The following MYCBP2 variants were observed in gnomAD, a reference collection of about 807,000 sequenced individuals.
MYCBP2 encodes the protein E3 ubiquitin-protein ligase MYCBP2.
MYCBP2 carries 120 observed loss-of-function variants against 525.3 expected under a neutral mutation model. The observed-to-expected ratio is 0.23, with a 90% CI of 0.20 to 0.27. MYCBP2 has a LOEUF of 0.27. MYCBP2 is among the 10% of genes least tolerant of loss of function. The pLI is 1.00. For missense variants in MYCBP2, 4,149 were observed against 5,657.1 expected, an observed-to-expected ratio of 0.73 and a Z score of 8.55; for synonymous variants, 1,894 against 1,955.8, an observed-to-expected ratio of 0.97 and a Z score of 0.83.
intron 13 of MYCBP2, among the ~76,000 whole-genome samples, 175 bp from the exon 14 acceptor site, chr13:77,258,004 C>T (rs1029992158): frequency 1.3e-5 from 2 of 152,132 alleles, no homozygotes; most frequent in African/African-American, 4.8e-5. Context: ...AACTTTGTAA[C>T]GTAGCTTCAG....
intron 42 of MYCBP2, among the ~76,000 whole-genome samples, chr13:77,165,014 C>T (rs1282079497): frequency 6.6e-6 from 1 of 152,164 alleles, no homozygotes; most frequent in African/African-American, 2.4e-5. Context: ...TAGAATTGCA[C>T]ACCCCTAGGT....
At chr13:77,139,775 A>G (rs1466801441) in intron 51 of MYCBP2, among the ~76,000 whole-genome samples, 1 of 152,246 alleles carries the variant, frequency 6.6e-6, no homozygotes, top group Admixed American at 6.5e-5. Context: ...ATGAAGAACT[A>G]TACCCATTTT....
intron 46 of MYCBP2, among the ~76,000 whole-genome samples, chr13:77,154,721 C>A (rs2056999586): frequency 6.6e-6 from 1 of 151,996 alleles, no homozygotes; most frequent in South Asian, 2.1e-4. Context: ...ATATACAAGC[C>A]CTTCAACATC....
chr13:77,048,851 C>T (rs1480216313), intron 82 of MYCBP2, among the ~76,000 whole-genome samples: 1 of 151,420 alleles, frequency 6.6e-6, no homozygotes, highest in Admixed American at 6.6e-5. Flanking sequence ...CTACCCACCA[C>T]TGAGTTCTCT....
At chr13:77,295,368 G>GT (rs2154365620) in intron 2 of MYCBP2, among the ~76,000 whole-genome samples, 1 of 152,196 alleles carries the variant, frequency 6.6e-6, no homozygotes, top group Non-Finnish European at 1.5e-5. Flanking sequence ...TCTTGACCTC[G>GT]TGATCTGCCA....
intron 80 of MYCBP2, among the ~76,000 whole-genome samples, chr13:77,052,400 T>C (rs1257061578): frequency 6.6e-6 from 1 of 152,218 alleles, no homozygotes; most frequent in Non-Finnish European, 1.5e-5. Flanking sequence ...AGTCTCCCTA[T>C]GCTGCCCAGG....
intron 18 of MYCBP2, among the ~76,000 whole-genome samples, chr13:77,228,367 T>C (rs2066611439): frequency 6.6e-6 from 1 of 151,400 alleles, no homozygotes; most frequent in Non-Finnish European, 1.5e-5. Flanking sequence ...ACTAGCTGGG[T>C]GTGGTGGTGA....
At chr13:77,076,654 T>C (rs1235778266) in intron 68 of MYCBP2, 97 bp downstream of exon 68, 3 of 686,084 alleles carry the variant, frequency 4.4e-6, no homozygotes, top group African/African-American at 3.6e-5. Flanking sequence ...AAAACTGTTA[T>C]TACATATCCA....
At chr13:77,259,355 C>T (rs890166186) in intron 13 of MYCBP2, among the ~76,000 whole-genome samples, 1 of 152,162 alleles carries the variant, frequency 6.6e-6, no homozygotes, top group African/African-American at 2.4e-5. Context: ...TAATACCCAA[C>T]TGTCTCTCGG....
Position 77,326,791 on chromosome 13 carries a change from C to T in MYCBP2, c.-16G>A. On this transcript the variant is annotated 5_prime_UTR_variant, in exon 1 of 83. Coordinates refer to ENST00000544440, the MANE Select transcript of MYCBP2 (RefSeq NM_015057.5). The surrounding 1 kb of genome is among the most constrained non-coding windows in gnomAD (Gnocchi z 4.2). Reference sequence around the variant, plus strand: ...ACATCATCATCCTCGCCGCCGCCGCCGCCGCCGCCGCCTCGTCCCCGCGGG... The same window carrying T: ...ACATCATCATCCTCGCCGCCGCCGCTGCCGCCGCCGCCTCGTCCCCGCGGG... 7.1e-7 allele frequency: 1 copy of T among 1,400,828 alleles called. No homozygotes were observed. Among genetic ancestry groups the T allele is most frequent in the Non-Finnish European group, 9.2e-7 (1 of 1,090,406 alleles). 86.8% of individuals were successfully genotyped at this position (1,400,828 alleles called of 1,614,324 possible). A position where few individuals can be genotyped will look rare whatever the true frequency, so the allele number is the denominator to read the frequency against.
chr13:77,183,162 G>T (rs1249463890), intron 32 of MYCBP2, among the ~76,000 whole-genome samples: 1 of 152,102 alleles, frequency 6.6e-6, no homozygotes, highest in African/African-American at 2.4e-5. Flanking sequence ...ATTTTTAAGA[G>T]CATCTATGTT....
At chr13:77,301,336 A>C (rs546997887) in intron 1 of MYCBP2, among the ~76,000 whole-genome samples, 1 of 149,712 alleles carries the variant, frequency 6.7e-6, no homozygotes, top group Non-Finnish European at 1.5e-5. Context: ...GAATCGCTTG[A>C]ACCTGGAAGG....
At chr13:77,164,672 T>G in intron 42 of MYCBP2, 131 bp from the exon 43 acceptor site, 1 of 661,576 alleles carries the variant, frequency 1.5e-6, no homozygotes, top group Non-Finnish European at 2.7e-6. Context: ...ATGGTTAAAT[T>G]GAGAGTAGAT....
chr13:77,251,284 TCTC>T lies in MYCBP2; in HGVS notation c.2245_2247del (p.Glu749del). 1 of 1,614,230 alleles carries T rather than the reference TCTC, an allele frequency of 6.2e-7. No individual in the cohort carries two copies. Among genetic ancestry groups the T allele is most frequent in the Non-Finnish European group, 8.5e-7 (1 of 1,180,028 alleles). ...ATGCCTGGAGGGCACATCATAGACT[TCTC>T]ATCTTTTTCATCTAGTTCTTCTTCC... On this transcript the variant is annotated inframe_deletion, in exon 15 of 83. Transcript: ENST00000544440.
chr13:77,122,581 C>G (rs1005082976), intron 54 of MYCBP2, among the ~76,000 whole-genome samples: 4 of 148,638 alleles, frequency 2.7e-5, no homozygotes, highest in Non-Finnish European at 4.4e-5. Flanking sequence ...CCCAGCTACT[C>G]AGAGAGGCTG....
chr13:77,233,762 C>T (rs1016319492), intron 17 of MYCBP2, among the ~76,000 whole-genome samples: 2 of 151,196 alleles, frequency 1.3e-5, no homozygotes, highest in Non-Finnish European at 3.0e-5. Flanking sequence ...AAAATGTTAC[C>T]GAGTTTACTA....
intron 21 of MYCBP2, among the ~76,000 whole-genome samples, chr13:77,212,416 C>A (rs1025083394): frequency 6.6e-6 from 1 of 152,036 alleles, no homozygotes; most frequent in Non-Finnish European, 1.5e-5. Flanking sequence ...ATATTTTCCA[C>A]GCAAGAAGTA....
intron 68 of MYCBP2, 35 bp downstream of exon 68, chr13:77,076,716 A>T (rs533106098): frequency 7.8e-7 from 1 of 1,289,958 alleles, no homozygotes; most frequent in Admixed American, 2.0e-5. Flanking sequence ...AGAATAAAAA[A>T]GGGAAATAAA....
At chr13:77,201,692 T>C (rs1473092325) in intron 26 of MYCBP2, among the ~76,000 whole-genome samples, 5 of 151,596 alleles carry the variant, frequency 3.3e-5, no homozygotes, top group African/African-American at 1.2e-4. Flanking sequence ...TAACAAACTG[T>C]CTCTCAGACC....
Sources: allele counts gnomAD v4.1 joint callset (sites outside exome capture counted in the v4.1 genomes callset), GRCh38; gene constraint gnomAD v4.1.1; non-coding constraint Gnocchi (gnomAD v3.1); transcripts MANE v1.5; gene names NCBI Gene and HGNC (gene_info 2026-07-23, HGNC 2026-07-21).